Variants in KCNMA1 observed in about 807,000 individuals in gnomAD.
KCNMA1 encodes the protein Calcium-activated potassium channel subunit alpha-1.
KCNMA1 carries 29 observed loss-of-function variants against 140.0 expected under a neutral mutation model. The ratio of observed to expected loss-of-function variants is 0.21; its 90% confidence interval spans 0.15 to 0.28. KCNMA1 has a LOEUF of 0.28. KCNMA1 is among the 10% of genes least tolerant of loss of function. The pLI is 1.00. For missense variants in KCNMA1, 880 were observed against 1,602.2 expected (o/e 0.55, Z 7.70); for synonymous variants, 612 against 611.9 (o/e 1.00, Z 0.00).
intron 19 of KCNMA1, among the ~76,000 whole-genome samples, chr10:76,973,835 C>CT (rs35217097): frequency 0.28 from 42,706 of 152,064 alleles, 6,345 homozygotes; most frequent in African/African-American, 0.35. Flanking sequence ...TACCAAGCCT[C>CT]TTTATGGTCC....
chr10:77,495,632 G>A (rs2041629588), intron 1 of KCNMA1, among the ~76,000 whole-genome samples: 1 of 152,238 alleles, frequency 6.6e-6, no homozygotes, highest in African/African-American at 2.4e-5. Context: ...TGAGAAGCCT[G>A]CGGGGAAGCT....
intron 25 of KCNMA1, chr10:76,903,238 G>C (rs1381783524): frequency 2.0e-5 from 3 of 152,198 alleles, no homozygotes; most frequent in Non-Finnish European, 4.4e-5. Context: ...CACAGTTAAT[G>C]CTGTCAAGCC....
intron 14 of KCNMA1, chr10:77,063,709 C>T: frequency 1.0e-6 from 1 of 983,232 alleles, no homozygotes; most frequent in South Asian, 4.7e-5. Flanking sequence ...TTATGGCTTA[C>T]ATAGGACTTT....
At chr10:77,353,724 TAA>T (rs2154391505) in intron 2 of KCNMA1, among the ~76,000 whole-genome samples, 1 of 152,226 alleles carries the variant, frequency 6.6e-6, no homozygotes, top group African/African-American at 2.4e-5. Context: ...GCCAAAGAGA[TAA>T]AGTGACAGCC....
chr10:77,062,150 G>A (rs943682351), intron 14 of KCNMA1, among the ~76,000 whole-genome samples: 2 of 152,078 alleles, frequency 1.3e-5, no homozygotes, highest in Non-Finnish European at 2.9e-5. Context: ...AAACACTTCT[G>A]GAAAACTATA....
intron 23 of KCNMA1, among the ~76,000 whole-genome samples, chr10:76,930,977 G>A (rs1453083206): frequency 2.0e-5 from 3 of 152,086 alleles, no homozygotes; most frequent in East Asian, 3.9e-4. Flanking sequence ...TGGTGGCCAG[G>A]GACTGTGGTG....
intron 9 of KCNMA1, among the ~76,000 whole-genome samples, chr10:77,104,368 AC>A (rs1230096761): frequency 6.6e-6 from 1 of 152,180 alleles, no homozygotes; most frequent in African/African-American, 2.4e-5. Context: ...TTAGTCCATG[AC>A]AACTATTCCC....
intron 1 of KCNMA1, among the ~76,000 whole-genome samples, chr10:77,537,346 C>A (rs1354439272): frequency 2.0e-5 from 3 of 152,286 alleles, no homozygotes; most frequent in South Asian, 4.1e-4. Flanking sequence ...CACAAGAACA[C>A]CACCCCAGCA....
chr10:77,279,678 C>T (rs1224710993), intron 2 of KCNMA1, among the ~76,000 whole-genome samples: 1 of 152,158 alleles, frequency 6.6e-6, no homozygotes, highest in Non-Finnish European at 1.5e-5. Context: ...CAGATCTCAT[C>T]TTGAATTGCA....
intron 3 of KCNMA1, among the ~76,000 whole-genome samples, chr10:77,204,548 G>T (rs1450425204): frequency 1.3e-5 from 2 of 152,152 alleles, no homozygotes; most frequent in Non-Finnish European, 2.9e-5. Context: ...TTGAAATGAA[G>T]TTGCCCCTGT....
intron 3 of KCNMA1, among the ~76,000 whole-genome samples, chr10:77,212,454 G>A (rs1280915767): frequency 6.6e-6 from 1 of 152,160 alleles, no homozygotes; most frequent in East Asian, 1.9e-4. Flanking sequence ...CTAGAGAGGG[G>A]AGGGAAAGGA....
At chr10:77,463,923 C>A (rs1335734482) in intron 1 of KCNMA1, among the ~76,000 whole-genome samples, 1 of 152,178 alleles carries the variant, frequency 6.6e-6, no homozygotes, top group Non-Finnish European at 1.5e-5. Context: ...AGCCTCCCAG[C>A]TTTCTGGAGC....
intron 5 of KCNMA1, among the ~76,000 whole-genome samples, chr10:77,165,997 A>C (rs564937336): frequency 5.9e-5 from 9 of 152,220 alleles, no homozygotes; most frequent in African/African-American, 1.4e-4. Flanking sequence ...GAGGTTGGGG[A>C]GTCTCTGCGG....
chr10:76,935,697 T>C (rs1034301903), intron 23 of KCNMA1, among the ~76,000 whole-genome samples: 1 of 152,198 alleles, frequency 6.6e-6, no homozygotes, highest in African/African-American at 2.4e-5. Context: ...GAGAGCCAGA[T>C]GCTAAAACCA....
At chr10:76,985,545 C>A (rs2081030516) in intron 19 of KCNMA1, among the ~76,000 whole-genome samples, 1 of 152,164 alleles carries the variant, frequency 6.6e-6, no homozygotes, top group African/African-American at 2.4e-5. Flanking sequence ...ACTAAGATTA[C>A]ATCTATAAAA....
intron 1 of KCNMA1, among the ~76,000 whole-genome samples, chr10:77,417,032 A>G (rs937868302): frequency 6.6e-6 from 1 of 152,058 alleles, no homozygotes; most frequent in Non-Finnish European, 1.5e-5. Context: ...CTTCTCGGCT[A>G]TGACTTGGTC....
At chr10:77,617,458 G>C (rs1212160028) in intron 1 of KCNMA1, among the ~76,000 whole-genome samples, 12 of 152,228 alleles carry the variant, frequency 7.9e-5, no homozygotes, top group Admixed American at 7.2e-4. Flanking sequence ...CAGGGAGGCA[G>C]TTATGCCCCT....
chr10:76,921,236 T>C (rs1314347116), intron 23 of KCNMA1, among the ~76,000 whole-genome samples: 1 of 152,218 alleles, frequency 6.6e-6, no homozygotes, highest in Non-Finnish European at 1.5e-5. Flanking sequence ...CCGAGTCATC[T>C]AGGTTTGCTG....
chr10:77,379,459 A>C (rs1170164675), intron 2 of KCNMA1, among the ~76,000 whole-genome samples: 1 of 151,866 alleles, frequency 6.6e-6, no homozygotes, highest in Non-Finnish European at 1.5e-5. Context: ...TACAGAAAGG[A>C]AAACAGCAGA....
Sources: gnomAD v4.1 joint callset for allele counts (sites outside exome capture counted in the v4.1 genomes callset) on GRCh38, gnomAD v4.1.1 for gene constraint, MANE v1.5 for transcripts, NCBI Gene and HGNC (gene_info 2026-07-23, HGNC 2026-07-21) for gene names.